CEP128: variants seen among roughly 807,000 people sequenced by gnomAD.
The protein encoded by CEP128 is centrosomal protein 128.
CEP128 carries 132 observed loss-of-function variants against 156.7 expected under a neutral mutation model. The observed-to-expected ratio is 0.84, with a 90% CI of 0.73 to 0.97. CEP128 has a LOEUF of 0.97. CEP128 is among the 50% of genes least tolerant of loss of function. CEP128 has a pLI of 0.00. For synonymous variants in CEP128, 469 were observed against 448.9 expected, an observed-to-expected ratio of 1.04 and a Z score of -0.57; for missense variants, 1,252 against 1,281.9, an observed-to-expected ratio of 0.98 and a Z score of 0.36.
intron 22 of CEP128, among the ~76,000 whole-genome samples, chr14:80,527,704 T>A (rs1378945064): frequency 1.3e-5 from 2 of 152,228 alleles, no homozygotes; most frequent in Non-Finnish European, 2.9e-5. Context: ...AATTGCTACC[T>A]GTAAAACTAG....
intron 16 of CEP128, among the ~76,000 whole-genome samples, chr14:80,776,111 G>C (rs1900776755): frequency 6.6e-6 from 1 of 152,170 alleles, no homozygotes; most frequent in Admixed American, 6.5e-5. Context: ...TGGGATTAAA[G>C]GCATGGGCTA....
At chr14:80,701,876 A>T (rs1438779245) in intron 19 of CEP128, among the ~76,000 whole-genome samples, 4 of 152,184 alleles carry the variant, frequency 2.6e-5, no homozygotes, top group Non-Finnish European at 5.9e-5. Context: ...GATACATTGC[A>T]GCCACGATGC....
chr14:80,517,319 T>C (rs1360092649), intron 23 of CEP128, among the ~76,000 whole-genome samples: 1 of 152,180 alleles, frequency 6.6e-6, no homozygotes, highest in Non-Finnish European at 1.5e-5. Context: ...ACATAGACTA[T>C]TGATTTGAAA....
chr14:80,617,125 C>T (rs985048986), intron 19 of CEP128, among the ~76,000 whole-genome samples: 4 of 150,416 alleles, frequency 2.7e-5, no homozygotes, highest in African/African-American at 9.8e-5. Flanking sequence ...AGCCCAGTTG[C>T]CATATAAAGG....
At chr14:80,943,102 T>C (rs1212659173), upstream of CEP128, among the ~76,000 whole-genome samples, 5 of 152,224 alleles carry the variant, frequency 3.3e-5, no homozygotes, top group Non-Finnish European at 5.9e-5. Flanking sequence ...TGCAGAAGCA[T>C]AATAATAACT....
At chr14:80,792,734 G>C (rs4523859) in intron 14 of CEP128, 26 bp downstream of exon 14, 1 of 1,578,800 alleles carries the variant, frequency 6.3e-7, no homozygotes, top group African/African-American at 1.4e-5. Flanking sequence ...ATTGAAAACC[G>C]TTCCTTAGGA....
At chr14:80,860,619 G>T (rs1339400346) in intron 9 of CEP128, among the ~76,000 whole-genome samples, 1 of 150,206 alleles carries the variant, frequency 6.7e-6, no homozygotes. Flanking sequence ...TAAAAATCAA[G>T]GTTAAAAAAA....
intron 19 of CEP128, among the ~76,000 whole-genome samples, chr14:80,691,806 T>G (rs1293365493): frequency 6.6e-6 from 1 of 152,200 alleles, no homozygotes; most frequent in Admixed American, 6.5e-5. Flanking sequence ...AGTTTTTAAG[T>G]ATCTTATATT....
chr14:80,878,858 G>A (rs754349904), intron 8 of CEP128, among the ~76,000 whole-genome samples: 3 of 152,158 alleles, frequency 2.0e-5, no homozygotes, highest in Non-Finnish European at 2.9e-5. Context: ...CTGACCTCAC[G>A]ACCACTCTGA....
intron 18 of CEP128, among the ~76,000 whole-genome samples, chr14:80,753,276 A>G (rs1483071211): frequency 6.6e-6 from 1 of 152,184 alleles, no homozygotes; most frequent in South Asian, 2.1e-4. Context: ...CAGACTAAAG[A>G]CACAGAAGCA....
At chr14:80,821,104 T>G (rs527627315) in intron 13 of CEP128, among the ~76,000 whole-genome samples, 2 of 152,362 alleles carry the variant, frequency 1.3e-5, no homozygotes, top group African/African-American at 4.8e-5. Context: ...AAAGATAATT[T>G]GTACTATTTG....
chr14:80,821,231 A>G (rs758414463), intron 13 of CEP128, among the ~76,000 whole-genome samples: 1 of 152,220 alleles, frequency 6.6e-6, no homozygotes, highest in Non-Finnish European at 1.5e-5. Context: ...CTAAAAAACA[A>G]TTTAATTTGC....
At chr14:80,524,001 ATAAAAC>A (rs995272206) in intron 23 of CEP128, among the ~76,000 whole-genome samples, 4 of 152,228 alleles carry the variant, frequency 2.6e-5, no homozygotes, top group African/African-American at 9.6e-5. Context: ...TTGTATTCCA[ATAAAAC>A]TTTATTTACA....
intron 16 of CEP128, 34 bp downstream of exon 16, chr14:80,777,848 A>G (rs1339532815): frequency 7.1e-7 from 1 of 1,416,984 alleles, no homozygotes; most frequent in Non-Finnish European, 9.8e-7. Flanking sequence ...AATTGAAATT[A>G]GAATTTGAAA....
chr14:80,834,585 T>TA (rs961157609), intron 12 of CEP128, among the ~76,000 whole-genome samples: 3 of 152,164 alleles, frequency 2.0e-5, no homozygotes, highest in African/African-American at 4.8e-5. Flanking sequence ...ATCACATATA[T>TA]AAAAAAACTT....
intron 14 of CEP128, among the ~76,000 whole-genome samples, chr14:80,485,248 C>G (rs181373554): frequency 3.9e-5 from 6 of 152,188 alleles, no homozygotes; most frequent in African/African-American, 9.6e-5. Context: ...AAAAACAAAA[C>G]AAGAAGAATC....
At chr14:80,667,000 C>T (rs1895642676) in intron 19 of CEP128, among the ~76,000 whole-genome samples, 1 of 152,172 alleles carries the variant, frequency 6.6e-6, no homozygotes, top group Non-Finnish European at 1.5e-5. Context: ...AAAGCCACTT[C>T]CAGGACCCCA....
intron 23 of CEP128, among the ~76,000 whole-genome samples, chr14:80,517,845 G>A (rs1315866199): frequency 2.0e-5 from 3 of 152,112 alleles, no homozygotes; most frequent in Non-Finnish European, 4.4e-5. Context: ...TCTGGGCACT[G>A]AGCCGTGCAG....
At chr14:80,828,122 T>A (rs1885578202) in intron 13 of CEP128, among the ~76,000 whole-genome samples, 1 of 143,888 alleles carries the variant, frequency 6.9e-6, no homozygotes, top group African/African-American at 2.8e-5. Context: ...GCTTCTTTTT[T>A]CTTTTTTTTT....
Sources: gnomAD v4.1 joint callset for allele counts (sites outside exome capture counted in the v4.1 genomes callset) on GRCh38, gnomAD v4.1.1 for gene constraint, MANE v1.5 for transcripts, NCBI Gene and HGNC (gene_info 2026-07-23, HGNC 2026-07-21) for gene names.